The following SLIT2 variants were observed in gnomAD, a reference collection of about 807,000 sequenced individuals.
SLIT2 encodes the protein slit guidance ligand 2, also known as slit homolog 2 protein.
In SLIT2, 41 loss-of-function variants were observed where a neutral mutation model predicts 185.7. The ratio of observed to expected loss-of-function variants is 0.22; its 90% CI spans 0.17 to 0.29. SLIT2 has a LOEUF of 0.29. SLIT2 is among the 10% of genes least tolerant of loss of function. The pLI is 1.00. For missense variants in SLIT2, 1,571 were observed against 1,909.0 expected, an observed-to-expected ratio of 0.82 and a Z score of 3.30; for synonymous variants, 693 against 680.2, an observed-to-expected ratio of 1.02 and a Z score of -0.29.
intron 4 of SLIT2, among the ~76,000 whole-genome samples, chr4:20,317,310 G>GA (rs151052910): frequency 2.0e-4 from 29 of 148,078 alleles, no homozygotes; most frequent in East Asian, 4.0e-4. Flanking sequence ...TGAAAGGAAA[G>GA]AAAAAAAAAC....
Position 20,365,319 on chromosome 4 carries a change from G to A in SLIT2, c.395+96438G>A, listed in dbSNP as rs1294551797. Reference sequence around the variant, plus strand: ...CCACAGGGAGGCGGCCAGTTCAGAGGTAGTGTAACTCCTCAGGGATGCTGT... The same window carrying A: ...CCACAGGGAGGCGGCCAGTTCAGAGATAGTGTAACTCCTCAGGGATGCTGT... On this transcript the variant is annotated intron_variant, in intron 4 of 36. Coordinates refer to ENST00000504154, the MANE Select transcript of SLIT2 (RefSeq NM_004787.4). Among the ~76,000 whole-genome samples, 3 of 152,128 alleles carry A rather than the reference G, an allele frequency of 2.0e-5. No homozygotes were observed. The East Asian group carries it at 5.8e-4, about 29-fold the overall frequency.
Position 20,618,813 on chromosome 4 carries a change from A to G in SLIT2, c.4394A>G (p.Gln1465Arg). The change falls in exon 37 of 37, where the codon CAG becomes CGG. Residue 1465 changes from glutamine to arginine, a missense_variant. This residue lies in a region of SLIT2 where 223 missense variants were observed against 245.2 expected (regional missense o/e 0.91). Transcript: ENST00000504154. The part of the protein sequence containing the change: ...GERIRDYYQK[Q>R]QGYAACQTTK... ...AGGATAAGAGATTATTACCAAAAGC[A>G]GCAGGGCTATGCTGCTTGCCAAACA... 6.2e-7 allele frequency: 1 copy of G among 1,612,012 alleles called. No homozygotes were observed. Among genetic ancestry groups the G allele is most frequent in the South Asian group, 1.1e-5 (1 of 91,036 alleles).
chr4:20,271,795 A>G (rs1375365613), intron 4 of SLIT2, among the ~76,000 whole-genome samples: 4 of 152,018 alleles, frequency 2.6e-5, no homozygotes, highest in African/African-American at 4.8e-5. Context: ...TATACTGGAC[A>G]TTGTGTTGCT....
chr4:20,400,529 A>G (rs911105936), intron 4 of SLIT2, among the ~76,000 whole-genome samples: 2 of 151,730 alleles, frequency 1.3e-5, no homozygotes, highest in African/African-American at 2.4e-5. Flanking sequence ...TAAGTTGAGC[A>G]TGAGACTTTT....
intron 4 of SLIT2, among the ~76,000 whole-genome samples, chr4:20,289,737 G>A (rs377608234): frequency 3.3e-5 from 5 of 152,168 alleles, no homozygotes; most frequent in Non-Finnish European, 7.3e-5. Context: ...TATCACACAA[G>A]GTAGACTGGC....
At chr4:20,385,891 T>G (rs906490427) in intron 4 of SLIT2, among the ~76,000 whole-genome samples, 1 of 152,192 alleles carries the variant, frequency 6.6e-6, no homozygotes, top group Non-Finnish European at 1.5e-5. Context: ...TTATTACTGT[T>G]TTTCTACTTG....
At chr4:20,284,240 A>G (rs1361643541) in intron 4 of SLIT2, among the ~76,000 whole-genome samples, 1 of 152,212 alleles carries the variant, frequency 6.6e-6, no homozygotes, top group Non-Finnish European at 1.5e-5. Context: ...GTTTTCACTT[A>G]CTTTTTAACA....
At chr4:20,341,462 C>T (rs1477621323) in intron 4 of SLIT2, among the ~76,000 whole-genome samples, 1 of 152,204 alleles carries the variant, frequency 6.6e-6, no homozygotes, top group Non-Finnish European at 1.5e-5. Flanking sequence ...TTTAAATAGA[C>T]TTGTTTTCAA....
rs185884184 is a variant in SLIT2, at chr4:20,454,075, T to C, written c.396-13677T>C. 1.1e-3 allele frequency among the ~76,000 whole-genome samples: 175 copies of C among 152,276 alleles called. 2 individuals carry two copies. The highest frequency in any genetic ancestry group is 3.4e-3 in the Middle Eastern group (1 of 294). ...CTTCATAACTGTGCTTCCCCTTTAG[T>C]TTTTTAGAAATAGCTTCCCTGTAGG... On this transcript the variant is annotated intron_variant, in intron 4 of 36. Coordinates refer to ENST00000504154, the MANE Select transcript of SLIT2 (RefSeq NM_004787.4).
chr4:20,608,230 A>G (rs1728938139), intron 33 of SLIT2, among the ~76,000 whole-genome samples: 1 of 152,124 alleles, frequency 6.6e-6, no homozygotes, highest in Admixed American at 6.6e-5. Context: ...ATTAGCATTT[A>G]CTGAAGAGAA....
chr4:20,482,677 T>C (rs1716822199), intron 6 of SLIT2, among the ~76,000 whole-genome samples: 1 of 152,022 alleles, frequency 6.6e-6, no homozygotes, highest in African/African-American at 2.4e-5. Context: ...AGGACCTTAA[T>C]ATATACATCT....
chr4:20,357,253 A>C (rs1307290123), intron 4 of SLIT2, among the ~76,000 whole-genome samples: 2 of 152,146 alleles, frequency 1.3e-5, no homozygotes, highest in Non-Finnish European at 2.9e-5. Context: ...AACAAATTTT[A>C]AAGCAAGTAC....
In SLIT2 at chr4:20,555,053, G is replaced by A. The variant is rs573843726; in HGVS notation, c.2725+1085G>A. Among the ~76,000 whole-genome samples, 9 of 151,608 alleles carry A rather than the reference G, an allele frequency of 5.9e-5. No homozygotes were observed. In the South Asian group the frequency reaches 6.2e-4, roughly 10 times the overall value. On this transcript the variant is annotated intron_variant, in intron 26 of 36. Transcript: ENST00000504154. ...CAAAGTGCTGGGATTACAGGTGTGA[G>A]CCACCACGCCTGGCCAGATTGTGTG...
intron 4 of SLIT2, among the ~76,000 whole-genome samples, chr4:20,291,488 ATATATTTTTTTTTTTTTTTTTTTT>A (rs1165945327): frequency 1.9e-4 from 2 of 10,268 alleles, no homozygotes; most frequent in Non-Finnish European, 3.2e-4. Flanking sequence ...ATATATATAT[ATATATTTTTTTTTTTTTTTTTTTT>A]TTTTTTTTTT....
At position 20,293,340 on chromosome 4, in the gene SLIT2, A is replaced by G. The variant is rs117807194; in HGVS notation, c.395+24459A>G. The stretch of plus-strand genomic sequence containing the variant: ...AGAGATCAGTTACAAAAATAATACC[A>G]TAGTCCAAAGTCATAATTCAGGATG... On this transcript the variant is annotated intron_variant, in intron 4 of 36. Coordinates refer to ENST00000504154, the MANE Select transcript of SLIT2 (RefSeq NM_004787.4). 6.1e-4 allele frequency among the ~76,000 whole-genome samples: 93 copies of G among 152,354 alleles called. No homozygotes were observed. In the East Asian group the frequency reaches 0.016, roughly 26 times the overall value.
At chr4:20,502,873 C>G (rs539490726) in intron 9 of SLIT2, among the ~76,000 whole-genome samples, 19 of 152,204 alleles carry the variant, frequency 1.2e-4, no homozygotes, top group Non-Finnish European at 2.4e-4. Flanking sequence ...AAGGAGCCCA[C>G]TGAGAATGCA....
At chr4:20,289,996 C>T (rs1448095227) in intron 4 of SLIT2, among the ~76,000 whole-genome samples, 1 of 150,996 alleles carries the variant, frequency 6.6e-6, no homozygotes, top group Non-Finnish European at 1.5e-5. Flanking sequence ...ATATGCCTCC[C>T]TCTACACCGC....
chr4:20,572,597 T>A (rs1375493127), intron 29 of SLIT2, among the ~76,000 whole-genome samples: 1 of 152,100 alleles, frequency 6.6e-6, no homozygotes, highest in Non-Finnish European at 1.5e-5. Context: ...GGCACCCCTG[T>A]TTTTTTAAAA....
chr4:20,330,060 A>G (rs1719930934), intron 4 of SLIT2, among the ~76,000 whole-genome samples: 1 of 151,206 alleles, frequency 6.6e-6, no homozygotes, highest in African/African-American at 2.4e-5. Context: ...TTGTTTTCCC[A>G]TGTAAACCTT....
Sources: allele counts gnomAD v4.1 joint callset (sites outside exome capture counted in the v4.1 genomes callset), GRCh38; gene constraint gnomAD v4.1.1; regional missense constraint gnomAD v4.1.1; transcripts MANE v1.5; gene names NCBI Gene and HGNC (gene_info 2026-07-23, HGNC 2026-07-21).